The following RALYL variants were observed in gnomAD, a reference collection of about 807,000 sequenced individuals.
The protein encoded by RALYL is RALY RNA binding protein like.
Under a neutral mutation model 35.1 loss-of-function variants are expected in RALYL, and 29 were observed. The observed-to-expected ratio is 0.83, with a 90% CI of 0.61 to 1.13. The LOEUF (loss-of-function observed/expected upper bound fraction) is 1.13. Ranked by LOEUF, RALYL falls within the 50% of genes most tolerant of loss-of-function variation. RALYL has a pLI of 0.00. For missense variants in RALYL, 359 were observed against 360.4 expected (o/e 1.00, Z 0.03); for synonymous variants, 120 against 127.6 (o/e 0.94, Z 0.40).
chr8:84,691,178 A>G (rs374668071), intron 2 of RALYL, among the ~76,000 whole-genome samples: 1 of 152,060 alleles, frequency 6.6e-6, no homozygotes, highest in Admixed American at 6.6e-5. Context: ...AACATTTTGT[A>G]TTGTTTGTCA....
intron 2 of RALYL, among the ~76,000 whole-genome samples, chr8:84,705,313 G>A (rs371356888): frequency 6.6e-6 from 1 of 152,032 alleles, no homozygotes; most frequent in Non-Finnish European, 1.5e-5. Context: ...GGTTGGGGGT[G>A]GGGGAAGCTT....
intron 1 of RALYL, among the ~76,000 whole-genome samples, chr8:84,320,498 G>A (rs1305035549): frequency 2.6e-5 from 4 of 151,824 alleles, no homozygotes; most frequent in East Asian, 3.9e-4. Flanking sequence ...TAATAAAGCT[G>A]TACTCTATAG....
At chr8:84,498,542 C>T (rs2056329890) in intron 1 of RALYL, among the ~76,000 whole-genome samples, 1 of 150,518 alleles carries the variant, frequency 6.6e-6, no homozygotes, top group South Asian at 2.1e-4. Context: ...GCACTTCTAA[C>T]CTTTCTAGTA....
At chr8:84,853,873 T>C (rs1379421462) in intron 5 of RALYL, among the ~76,000 whole-genome samples, 2 of 152,148 alleles carry the variant, frequency 1.3e-5, no homozygotes, top group Non-Finnish European at 1.5e-5. Flanking sequence ...GGTGCAAACT[T>C]GGGCAAGTTA....
intron 2 of RALYL, among the ~76,000 whole-genome samples, chr8:84,534,382 G>T (rs1321389020): frequency 6.6e-6 from 1 of 152,218 alleles, no homozygotes; most frequent in Non-Finnish European, 1.5e-5. Context: ...CTCAAAGCTA[G>T]CTGGAGTGTT....
At chr8:84,544,661 A>G (rs984197742) in intron 2 of RALYL, among the ~76,000 whole-genome samples, 3 of 152,102 alleles carry the variant, frequency 2.0e-5, no homozygotes, top group African/African-American at 7.2e-5. Flanking sequence ...ACACTGAGAT[A>G]GATTCCAAGA....
intron 2 of RALYL, among the ~76,000 whole-genome samples, chr8:84,732,795 CA>C (rs1482487227): frequency 6.6e-6 from 1 of 151,562 alleles, no homozygotes. Flanking sequence ...CTCCCAGATT[CA>C]AGCGATTCTC....
intron 1 of RALYL, among the ~76,000 whole-genome samples, chr8:84,255,699 A>T (rs895826276): frequency 4.6e-5 from 7 of 152,070 alleles, no homozygotes; most frequent in African/African-American, 1.7e-4. Flanking sequence ...ACACTCAATA[A>T]ATATTTGTGC....
At chr8:84,405,481 A>G (rs1221466289) in intron 1 of RALYL, among the ~76,000 whole-genome samples, 1 of 152,146 alleles carries the variant, frequency 6.6e-6, no homozygotes, top group Non-Finnish European at 1.5e-5. Context: ...TAAAGAAGAA[A>G]AGAGAGAAGA....
intron 1 of RALYL, among the ~76,000 whole-genome samples, chr8:84,515,985 G>T (rs1462079625): frequency 7.7e-6 from 1 of 130,166 alleles, no homozygotes; most frequent in African/African-American, 2.9e-5. Flanking sequence ...TATTCCAGAT[G>T]CTATTTGCCT....
At chr8:84,875,336 C>T (rs1223234949) in intron 7 of RALYL, among the ~76,000 whole-genome samples, 2 of 152,108 alleles carry the variant, frequency 1.3e-5, no homozygotes, top group East Asian at 3.9e-4. Context: ...TATAAATCAC[C>T]TCAAAGAGAA....
rs536918690 is a variant in RALYL at position 84,856,128 on chromosome 8, C to T, written c.413+6101C>T. On this transcript the variant is annotated intron_variant, in intron 5 of 8. Coordinates refer to ENST00000521268, the MANE Select transcript of RALYL (RefSeq NM_173848.7). ...TTCCATTTGAAATGTTTGAAAATAA[C>T]AGCATGGTACACTTGACAAATGGTA... Among the ~76,000 whole-genome samples the T allele has an allele frequency of 3.3e-5, 5 of 152,248 alleles. No individual in the cohort carries two copies. The South Asian group carries it at 1.0e-3, about 32-fold the overall frequency.
At chr8:84,316,056 CCACTTTTTATTA>C (rs1201555472) in intron 1 of RALYL, among the ~76,000 whole-genome samples, 1 of 152,010 alleles carries the variant, frequency 6.6e-6, no homozygotes, top group Non-Finnish European at 1.5e-5. Flanking sequence ...AAAGTGTCTT[CCACTTTTTATTA>C]ACTTAGATTC....
intron 4 of RALYL, among the ~76,000 whole-genome samples, chr8:84,841,004 T>A (rs1240997787): frequency 6.6e-6 from 1 of 152,180 alleles, no homozygotes; most frequent in African/African-American, 2.4e-5. Context: ...TACCAGCCAC[T>A]GCAAAAACAT....
chr8:84,227,248 C>T (rs569570134), intron 1 of RALYL, among the ~76,000 whole-genome samples: 8 of 151,512 alleles, frequency 5.3e-5, no homozygotes, highest in Middle Eastern at 3.4e-3. Flanking sequence ...TTAGTAGAGA[C>T]GGGGTTTTAC....
intron 1 of RALYL, among the ~76,000 whole-genome samples, chr8:84,303,072 A>C (rs181268171): frequency 6.6e-5 from 10 of 152,254 alleles, no homozygotes; most frequent in Admixed American, 2.6e-4. Context: ...TTCAGGGTAC[A>C]TTTTCACTTA....
chr8:84,886,965 G>A (rs1842995711), intron 7 of RALYL, among the ~76,000 whole-genome samples: 1 of 152,186 alleles, frequency 6.6e-6, no homozygotes, highest in Non-Finnish European at 1.5e-5. Context: ...GCTATTAGGT[G>A]ATGAAGCTCA....
chr8:84,726,268 T>C (rs1261275176), intron 2 of RALYL, among the ~76,000 whole-genome samples: 3 of 146,870 alleles, frequency 2.0e-5, no homozygotes, highest in Non-Finnish European at 4.5e-5. Flanking sequence ...TTTATTTTTA[T>C]ATATTTTATT....
At chr8:84,738,740 G>A (rs1435004996) in intron 2 of RALYL, among the ~76,000 whole-genome samples, 8 of 151,912 alleles carry the variant, frequency 5.3e-5, no homozygotes, top group Admixed American at 4.6e-4. Flanking sequence ...CTTGACATTA[G>A]TATGTATAAG....
Sources: gnomAD v4.1 joint callset for allele counts (sites outside exome capture counted in the v4.1 genomes callset) on GRCh38, gnomAD v4.1.1 for gene constraint, MANE v1.5 for transcripts, NCBI Gene and HGNC (gene_info 2026-07-23, HGNC 2026-07-21) for gene names.